THADA: variants seen among roughly 807,000 people sequenced by gnomAD.
The protein encoded by THADA is THADA armadillo repeat containing.
A neutral mutation model predicts 219.8 loss-of-function variants in THADA; 213 were observed. The observed-to-expected ratio is 0.97, with a 90% CI of 0.87 to 1.09. The LOEUF (loss-of-function observed/expected upper bound fraction) is 1.09. THADA is among the 50% of genes least tolerant of loss of function. The probability of loss-of-function intolerance (pLI) is 0.00; values close to 1 mark genes in which losing one functional copy is unlikely to be tolerated. For missense variants in THADA, 2,956 were observed against 2,311.3 expected (o/e 1.28, Z -5.72); for synonymous variants, 1,018 against 828.9 (o/e 1.23, Z -3.92).
chr2:43,572,821 T>C lies in THADA; in HGVS notation c.1901A>G (p.His634Arg). The part of the protein sequence containing the change: ...ARIKQGLIHQ[H>R]CQVRIDTLGL... ...GTAATTTTCTTTACTTACTTGGCAA[T>C]GCTGATGAATTAAGCCTTGCTTTAT... Residue 634 changes from histidine to arginine, a missense_variant, in exon 12 of 38, where the codon CAT becomes CGT. His to Arg is a conservative substitution (Grantham distance 29, BLOSUM62 0). Transcript: ENST00000405975. The C allele has an allele frequency of 1.9e-6, 3 of 1,613,540 alleles. No individual in the cohort carries two copies. The highest frequency in any genetic ancestry group is 2.5e-6 in the Non-Finnish European group (3 of 1,179,684).
intron 22 of THADA, among the ~76,000 whole-genome samples, chr2:43,522,599 TG>T (rs1692637011): frequency 6.6e-6 from 1 of 152,256 alleles, no homozygotes; most frequent in South Asian, 2.1e-4. Context: ...GGTTACTCAC[TG>T]AGAACAAAGT....
At chr2:43,386,881 G>C (rs568628553) in intron 29 of THADA, among the ~76,000 whole-genome samples, 1 of 141,402 alleles carries the variant, frequency 7.1e-6, no homozygotes, top group Admixed American at 7.3e-5. Flanking sequence ...CTGGGCTACA[G>C]AGTGAGATTT....
intron 21 of THADA, among the ~76,000 whole-genome samples, chr2:43,534,079 T>A (rs17031001): frequency 0.12 from 18,780 of 152,154 alleles, 1,408 homozygotes; most frequent in African/African-American, 0.21. Flanking sequence ...CAAATATGTA[T>A]TTTTTATAAA....
chr2:43,527,168 T>A (rs1402533283), intron 22 of THADA, among the ~76,000 whole-genome samples: 2 of 152,238 alleles, frequency 1.3e-5, no homozygotes, highest in Non-Finnish European at 2.9e-5. Context: ...GCTACAAGGC[T>A]GGCAGAACTC....
chr2:43,286,436 G>A (rs959215092), intron 35 of THADA, among the ~76,000 whole-genome samples: 4 of 152,144 alleles, frequency 2.6e-5, no homozygotes, highest in African/African-American at 9.7e-5. Flanking sequence ...AAAAACAAGA[G>A]GCTGGTTAAG....
chr2:43,231,114 A>G lies in THADA; in HGVS notation c.5696T>C (p.Val1899Ala). The G allele has an allele frequency of 6.2e-7, 1 of 1,613,892 alleles. No individual in the cohort carries two copies. The highest frequency in any genetic ancestry group is 1.3e-5 in the African/African-American group (1 of 75,042). Residue 1899 changes from valine (V) to alanine (A), a missense_variant, in exon 38 of 38, where the codon GTG becomes GCG. By Grantham distance (64) the Val-to-Ala change is moderately conservative (BLOSUM62 0). Coordinates refer to ENST00000405975, the MANE Select transcript of THADA (RefSeq NM_022065.5). ...LPPAAEFVKT[V>A]EFTRLRIQEE... Reference sequence around the variant, plus strand: ...TTGAATGCGTAGTCTTGTGAACTCCACTGTCTTCACAAACTCAGCAGCTGG... The same window carrying G: ...TTGAATGCGTAGTCTTGTGAACTCCGCTGTCTTCACAAACTCAGCAGCTGG...
rs542080356 is a variant in THADA at position 43,435,781 on chromosome 2, C to CAA, written c.3837-5481_3837-5480dup. 8.9e-4 allele frequency among the ~76,000 whole-genome samples: 48 copies of CAA among 53,780 alleles called. 1 individual carries two copies. Among genetic ancestry groups the CAA allele is most frequent in the Non-Finnish European group, 7.1e-4 (18 of 25,304 alleles). 35.3% of individuals were successfully genotyped at this position (53,780 alleles called of 152,430 possible). ...CTGGGCAAGAGTGAGAACTTGCCACCAAAAAAAAAAAAAAAAAAAGAAAGA... is the reference window on the plus strand; with the variant it reads ...CTGGGCAAGAGTGAGAACTTGCCACCAAAAAAAAAAAAAAAAAAAAAGAAAGA... On this transcript the variant is annotated intron_variant, in intron 26 of 37. Transcript: ENST00000405975.
intron 20 of THADA, among the ~76,000 whole-genome samples, chr2:43,545,115 G>T (rs1574183131): frequency 6.6e-6 from 1 of 152,108 alleles, no homozygotes; most frequent in South Asian, 2.1e-4. Flanking sequence ...GGCCTTTTCT[G>T]CATCTATTGA....
At chr2:43,335,243 T>C (rs997602110) in intron 30 of THADA, among the ~76,000 whole-genome samples, 1 of 152,198 alleles carries the variant, frequency 6.6e-6, no homozygotes, top group Non-Finnish European at 1.5e-5. Context: ...ATTACTGCCA[T>C]GCAAAACCCT....
chr2:43,530,126 C>T (rs1200460568), intron 21 of THADA, among the ~76,000 whole-genome samples: 1 of 151,722 alleles, frequency 6.6e-6, no homozygotes, highest in African/African-American at 2.4e-5. Flanking sequence ...AACAAAGAAC[C>T]AAAAAAGCAG....
chr2:43,520,781 G>C (rs1262146796), intron 22 of THADA, among the ~76,000 whole-genome samples: 6 of 151,708 alleles, frequency 4.0e-5, no homozygotes, highest in African/African-American at 1.5e-4. Flanking sequence ...CGGTTTACCA[G>C]TTCTCAAGGA....
At chr2:43,483,759 A>G (rs1260556179) in intron 26 of THADA, among the ~76,000 whole-genome samples, 1 of 151,356 alleles carries the variant, frequency 6.6e-6, no homozygotes, top group Non-Finnish European at 1.5e-5. Context: ...AGTAAAATGT[A>G]TATATATTTA....
intron 25 of THADA, among the ~76,000 whole-genome samples, chr2:43,491,029 A>T (rs920942293): frequency 1.3e-5 from 2 of 152,180 alleles, no homozygotes; most frequent in African/African-American, 4.8e-5. Flanking sequence ...CCTACTTAAG[A>T]CAGAAGAGTG....
intron 26 of THADA, among the ~76,000 whole-genome samples, chr2:43,483,738 C>G (rs1686532828): frequency 6.6e-6 from 1 of 151,434 alleles, no homozygotes; most frequent in Non-Finnish European, 1.5e-5. Context: ...TGATCATTTT[C>G]TCCTATACAT....
rs560376348 is a variant in THADA, at chr2:43,237,236, C to G, written c.5297-4354G>C. Among the ~76,000 whole-genome samples the G allele has an allele frequency of 5.3e-5, 8 of 151,980 alleles. No homozygotes were observed. In the South Asian group the frequency reaches 1.2e-3, roughly 24 times the overall value. On this transcript the variant is annotated intron_variant, in intron 36 of 37. Coordinates refer to ENST00000405975, the MANE Select transcript of THADA (RefSeq NM_022065.5). ...GTCAAATGATTTTTGACAAGGGTAC[C>G]AAAATAATGGGGAAAAAACGGTCTT... is the stretch of plus-strand genomic sequence containing the variant.
At chr2:43,542,812 T>A (rs765484380) in intron 20 of THADA, among the ~76,000 whole-genome samples, 6 of 152,242 alleles carry the variant, frequency 3.9e-5, no homozygotes, top group Non-Finnish European at 5.9e-5. Flanking sequence ...TCTAACAGCT[T>A]GTTCGCTGCA....
At chr2:43,314,693 T>G (rs1205800855) in intron 31 of THADA, among the ~76,000 whole-genome samples, 1 of 152,240 alleles carries the variant, frequency 6.6e-6, no homozygotes, top group East Asian at 1.9e-4. Flanking sequence ...TTGTGGCAGT[T>G]CGGCTTTTTC....
At chr2:43,280,688 C>T (rs188517381) in intron 35 of THADA, among the ~76,000 whole-genome samples, 77 of 152,192 alleles carry the variant, frequency 5.1e-4, no homozygotes, top group African/African-American at 1.8e-3. Flanking sequence ...AAAAGAGACC[C>T]ATGATAAAGG....
intron 26 of THADA, among the ~76,000 whole-genome samples, chr2:43,464,424 C>G (rs1206791486): frequency 6.6e-6 from 1 of 152,136 alleles, no homozygotes; most frequent in East Asian, 1.9e-4. Flanking sequence ...GTTGGCATTC[C>G]TAGCCAAATA....
Sources: gnomAD v4.1 joint callset for allele counts (sites outside exome capture counted in the v4.1 genomes callset) on GRCh38, gnomAD v4.1.1 for gene constraint, MANE v1.5 for transcripts, NCBI Gene and HGNC (gene_info 2026-07-23, HGNC 2026-07-21) for gene names.